Variants in COL27A1 observed in about 807,000 individuals in gnomAD.
COL27A1 encodes the protein collagen alpha-1(XXVII) chain.
COL27A1 carries 106 observed loss-of-function variants against 251.3 expected under a neutral mutation model. The observed-to-expected ratio is 0.42, with a 90% confidence interval of 0.36 to 0.50. COL27A1 has a LOEUF of 0.50. Among genes scored for constraint, COL27A1 ranks in the 20% least tolerant of loss-of-function variants. The pLI, the probability that COL27A1 is intolerant of heterozygous loss-of-function variation, is 0.00. For synonymous variants in COL27A1, 1,000 were observed against 986.3 expected (o/e 1.01, Z -0.26); for missense variants, 2,325 against 2,522.8 (o/e 0.92, Z 1.68).
intron 37 of COL27A1, among the ~76,000 whole-genome samples, chr9:114,276,321 C>T (rs1264325952): frequency 6.6e-6 from 1 of 152,192 alleles, no homozygotes; most frequent in African/African-American, 2.4e-5. Flanking sequence ...TTAACAGTGC[C>T]TTGGCCAGGT....
intron 12 of COL27A1, among the ~76,000 whole-genome samples, chr9:114,216,730 A>T (rs1314016854): frequency 6.6e-6 from 1 of 152,050 alleles, no homozygotes; most frequent in African/African-American, 2.4e-5. Flanking sequence ...CAAACCCTAG[A>T]TTCCTAGAGG....
rs1232150568 is a variant in COL27A1, at chr9:114,183,080, G to A, written c.2016+5G>A. ...CCCGGCCCTCCTGGAGCCAAAGTGA[G>A]TATTTGCTGGAGATGTGGCCATGGA... On this transcript the variant is annotated splice_donor_5th_base_variant and intron_variant, in intron 5 of 60. Coordinates refer to ENST00000356083, the MANE Select transcript of COL27A1 (RefSeq NM_032888.4). The A allele has an allele frequency of 1.1e-5, 17 of 1,612,548 alleles. No individual in the cohort carries two copies. Among genetic ancestry groups the A allele is most frequent in the Non-Finnish European group, 1.4e-5 (16 of 1,179,428 alleles).
chr9:114,307,381 G>A, intron 58 of COL27A1: 1 of 353,002 alleles, frequency 2.8e-6, no homozygotes, highest in South Asian at 3.3e-5. Flanking sequence ...AAGTGACCCA[G>A]CCTCTCTCAA....
chr9:114,256,759 C>T (rs192360992), intron 27 of COL27A1, among the ~76,000 whole-genome samples: 6 of 152,344 alleles, frequency 3.9e-5, no homozygotes, highest in South Asian at 2.1e-4. Context: ...GTTGAAGTAA[C>T]GTGCCTAAGA....
chr9:114,234,212 T>TA (rs11415885), intron 16 of COL27A1, among the ~76,000 whole-genome samples: 21,414 of 89,010 alleles, frequency 0.24, 2,384 homozygotes, highest in East Asian at 0.51. Flanking sequence ...TCTTGGACAT[T>TA]AAAAAAAAAA....
intron 24 of COL27A1, among the ~76,000 whole-genome samples, chr9:114,248,415 A>C (rs1183561538): frequency 1.3e-5 from 2 of 152,228 alleles, no homozygotes; most frequent in East Asian, 3.8e-4. Context: ...GGTAGCAGAC[A>C]ATGGCCCTTT....
intron 3 of COL27A1, among the ~76,000 whole-genome samples, chr9:114,170,787 C>A (rs990790761): frequency 6.6e-6 from 1 of 152,212 alleles, no homozygotes. Flanking sequence ...AACGAGGAAC[C>A]CTTTTCACCT....
At chr9:114,265,871 G>A (rs876441) in intron 32 of COL27A1, among the ~76,000 whole-genome samples, 43,701 of 152,148 alleles carry the variant, frequency 0.29, 7,116 homozygotes, top group East Asian at 0.4. Context: ...CCTCAGAAAG[G>A]GCAGGAGGAG....
intron 24 of COL27A1, among the ~76,000 whole-genome samples, chr9:114,248,307 G>A (rs903979531): frequency 5.3e-5 from 8 of 152,322 alleles, no homozygotes; most frequent in East Asian, 3.9e-4. Context: ...ATATAAACAC[G>A]TCACACTGAG....
At chr9:114,187,795 A>G (rs1265681903) in intron 5 of COL27A1, among the ~76,000 whole-genome samples, 3 of 152,120 alleles carry the variant, frequency 2.0e-5, no homozygotes, top group African/African-American at 7.2e-5. Context: ...TATATAACTT[A>G]CTCCATTAGT....
intron 27 of COL27A1, among the ~76,000 whole-genome samples, chr9:114,258,275 A>C (rs1232950927): frequency 6.6e-6 from 1 of 152,090 alleles, no homozygotes; most frequent in Non-Finnish European, 1.5e-5. Context: ...CCTTATCCCC[A>C]CTCCCCAGAC....
chr9:114,263,573 G>A (rs569478770), intron 28 of COL27A1, among the ~76,000 whole-genome samples: 2 of 152,274 alleles, frequency 1.3e-5, no homozygotes, highest in South Asian at 4.1e-4. Flanking sequence ...GCCCACATGG[G>A]GGATGAGAGC....
At chr9:114,213,029 C>G (rs7867146) in intron 12 of COL27A1, among the ~76,000 whole-genome samples, 50,122 of 152,034 alleles carry the variant, frequency 0.33, 9,347 homozygotes, top group East Asian at 0.65. Flanking sequence ...AGGCGTTGCT[C>G]CTTTACAGAT....
chr9:114,301,802 T>C, intron 55 of COL27A1, 85 bp downstream of exon 55: 1 of 1,357,324 alleles, frequency 7.4e-7, no homozygotes, highest in Non-Finnish European at 1.0e-6. Flanking sequence ...AGACTAAGCC[T>C]TGACCCTGAA....
intron 7 of COL27A1, among the ~76,000 whole-genome samples, chr9:114,203,262 G>T (rs2567716): frequency 2.6e-5 from 4 of 152,044 alleles, no homozygotes; most frequent in African/African-American, 4.8e-5. Context: ...AATGTTTATC[G>T]AATGAATGAA....
At chr9:114,185,700 T>C (rs993812345) in intron 5 of COL27A1, among the ~76,000 whole-genome samples, 40 of 152,216 alleles carry the variant, frequency 2.6e-4, no homozygotes, top group Admixed American at 7.2e-4. Context: ...TCCAGCATGG[T>C]GTCTGGGGCC....
In COL27A1 at chr9:114,309,264, A is replaced by T; in HGVS notation, c.5222A>T (p.Glu1741Val). 1 of 1,614,072 alleles carries T rather than the reference A, an allele frequency of 6.2e-7. No individual in the cohort carries two copies. Among genetic ancestry groups the T allele is most frequent in the Non-Finnish European group, 8.5e-7 (1 of 1,180,008 alleles). ...ACTGCCGTTGCTTCTCTATAGGTCG[A>T]GTTTGCCATCAGCCGGGTCCAGATG... ...CLKPITASKV[E>V]FAISRVQMNF... Residue 1741 changes from glutamate to valine, a missense_variant, in exon 60 of 61, where the codon GAG becomes GTG. Glu to Val is a moderately radical substitution (Grantham distance 121). This residue lies in a region of COL27A1 where 327 missense variants were observed against 442.8 expected (regional missense o/e 0.74). Transcript: ENST00000356083.
rs1364071188 is a variant in COL27A1, at chr9:114,240,204, C to G, written c.2728-16C>G. 1.2e-6 allele frequency: 2 copies of G among 1,612,636 alleles called. No individual in the cohort carries two copies. The highest frequency in any genetic ancestry group is 2.2e-5 in the East Asian group (1 of 44,868). On this transcript the variant is annotated splice_polypyrimidine_tract_variant and intron_variant, in intron 19 of 60. Coordinates refer to ENST00000356083, the MANE Select transcript of COL27A1 (RefSeq NM_032888.4). Reference sequence around the variant, plus strand: ...CACAGCCCCCGTGGGTGACCCTGCTCTCTGCTTCCCCTCAGGGATTCCCAG... The same window carrying G: ...CACAGCCCCCGTGGGTGACCCTGCTGTCTGCTTCCCCTCAGGGATTCCCAG...
At chr9:114,276,645 T>C (rs1237564077) in intron 37 of COL27A1, among the ~76,000 whole-genome samples, 1 of 152,180 alleles carries the variant, frequency 6.6e-6, no homozygotes, top group East Asian at 1.9e-4. Context: ...AACCAGTACC[T>C]GACACATAAG....
Sources: allele counts gnomAD v4.1 joint callset (sites outside exome capture counted in the v4.1 genomes callset), GRCh38; gene constraint gnomAD v4.1.1; regional missense constraint gnomAD v4.1.1; transcripts MANE v1.5; gene names NCBI Gene and HGNC (gene_info 2026-07-23, HGNC 2026-07-21).